Variants in MIA2 observed in about 807,000 individuals in gnomAD.
MIA2 encodes the protein melanoma inhibitory activity protein 2.
Under a neutral mutation model 167.8 loss-of-function variants are expected in MIA2, and 127 were observed. That is an observed-to-expected ratio of 0.76 (90% CI 0.66 to 0.88). The LOEUF (loss-of-function observed/expected upper bound fraction) is 0.88. Among genes scored for constraint, MIA2 ranks in the 40% least tolerant of loss-of-function variants. The pLI is 0.00. For missense variants in MIA2, 1,690 were observed against 1,624.7 expected (o/e 1.04, Z -0.69); for synonymous variants, 552 against 541.9 (o/e 1.02, Z -0.26).
At chr14:39,338,245 G>A (rs1046105181) in intron 25 of MIA2, among the ~76,000 whole-genome samples, 1 of 152,178 alleles carries the variant, frequency 6.6e-6, no homozygotes, top group Admixed American at 6.5e-5. Context: ...TTGTACCAAT[G>A]TCAGTTTTCT....
In MIA2 at chr14:39,320,926, A is replaced by G. The variant is rs1176434683; in HGVS notation, c.3368-2A>G. 2 of 1,611,968 alleles carry G rather than the reference A, an allele frequency of 1.2e-6. No individual in the cohort carries two copies. The highest frequency in any genetic ancestry group is 1.7e-6 in the Non-Finnish European group (2 of 1,179,346). ...TTAAATATGCTGTTTTAATTATTCC[A>G]GAGCATTCCCCATATGGTCCCTCAC... is the stretch of plus-strand genomic sequence containing the variant. On this transcript the variant is annotated splice_acceptor_variant, in intron 23 of 28. Coordinates refer to ENST00000640607, the MANE Select transcript of MIA2 (RefSeq NM_001329214.4). LOFTEE classifies it high-confidence loss of function.
Position 39,294,006 on chromosome 14 carries a change from G to C in MIA2, c.2326G>C (p.Asp776His). The C allele has an allele frequency of 3.1e-6, 5 of 1,607,308 alleles. No individual in the cohort carries two copies. The highest frequency in any genetic ancestry group is 4.2e-6 in the Non-Finnish European group (5 of 1,177,330). Reference protein sequence around the residue: ...KHSEQDELMADISKRIQSLED... With the variant: ...KHSEQDELMAHISKRIQSLED... Reference sequence around the variant, plus strand: ...CCTGATACTGTGTTTCTAGATGGCGGATATTTCAAAAAGGATACAGTCTCT... The same window carrying C: ...CCTGATACTGTGTTTCTAGATGGCGCATATTTCAAAAAGGATACAGTCTCT... The change falls in exon 12 of 29, where the codon GAT (aspartate) becomes CAT (histidine). Residue 776 changes from aspartate to histidine, a missense_variant. Asp to His is a moderately conservative substitution (Grantham distance 81, BLOSUM62 -1). Transcript: ENST00000640607.
intron 13 of MIA2, among the ~76,000 whole-genome samples, chr14:39,296,095 T>C (rs997979207): frequency 1.3e-5 from 2 of 152,186 alleles, no homozygotes; most frequent in African/African-American, 4.8e-5. Context: ...GTGTGTGTTC[T>C]GTTCTGTGTC....
chr14:39,351,314 G>A (rs1407330547), downstream of MIA2: 2 of 150,992 alleles, frequency 1.3e-5, no homozygotes, highest in African/African-American at 4.9e-5. Flanking sequence ...CATTTCCCCA[G>A]GTGTTGTTTG....
intron 3 of MIA2, 129 bp downstream of exon 3, chr14:39,240,776 T>G: frequency 1.7e-6 from 1 of 577,610 alleles, no homozygotes; most frequent in East Asian, 3.1e-5. Context: ...GCCTGAGAAC[T>G]TACTCTAGGA....
intron 9 of MIA2, among the ~76,000 whole-genome samples, chr14:39,287,214 C>T (rs1157474450): frequency 1.3e-5 from 2 of 152,104 alleles, no homozygotes; most frequent in East Asian, 1.9e-4. Context: ...GCTGGGACTA[C>T]AGGCGTGCAC....
chr14:39,373,306 C>CA (rs34602556), intron 23 of MIA2, among the ~76,000 whole-genome samples: 19,591 of 110,744 alleles, frequency 0.18, 1,500 homozygotes, highest in African/African-American at 0.21. Context: ...AATTCTTGGC[C>CA]AAAAAAAAAA....
Position 39,320,935 on chromosome 14 carries a change from C to T in MIA2, c.3375C>T (p.Ser1125=), listed in dbSNP as rs772890477. 5 of 1,612,654 alleles carry T rather than the reference C, an allele frequency of 3.1e-6. No homozygotes were observed. Among genetic ancestry groups the T allele is most frequent in the Non-Finnish European group, 4.2e-6 (5 of 1,179,478 alleles). The change falls in exon 24 of 29, where the codon TCC becomes TCT. Residue 1125 remains serine, a synonymous_variant. Coordinates refer to ENST00000640607, the MANE Select transcript of MIA2 (RefSeq NM_001329214.4). The stretch of plus-strand genomic sequence containing the variant: ...CTGTTTTAATTATTCCAGAGCATTC[C>T]CCATATGGTCCCTCACCATTGGGTT... ...VPNTAFGREH[S]PYGPSPLGWP...
intron 2 of MIA2, among the ~76,000 whole-genome samples, chr14:39,240,318 G>A (rs2053983287): frequency 6.6e-6 from 1 of 152,156 alleles, no homozygotes; most frequent in East Asian, 1.9e-4. Context: ...AGTGGAACAG[G>A]TTTCCTTCTG....
intron 25 of MIA2, among the ~76,000 whole-genome samples, chr14:39,336,374 A>G (rs1045825190): frequency 6.6e-6 from 1 of 152,212 alleles, no homozygotes; most frequent in Non-Finnish European, 1.5e-5. Context: ...GCAAGTATAC[A>G]CCTAGTTTCT....
chr14:39,321,427 C>T (rs1056585019), intron 24 of MIA2, among the ~76,000 whole-genome samples: 2 of 152,076 alleles, frequency 1.3e-5, no homozygotes, highest in Non-Finnish European at 2.9e-5. Context: ...CATTCTCCTG[C>T]CTCAGCCTCC....
At chr14:39,386,580 G>A (rs2075275831) in intron 23 of MIA2, 1 of 1,091,182 alleles carries the variant, frequency 9.2e-7, no homozygotes, top group African/African-American at 1.6e-5. Context: ...ATCATCACCT[G>A]CTGTGCCACA....
chr14:39,265,921 G>T, intron 6 of MIA2: 7 of 958,030 alleles, frequency 7.3e-6, no homozygotes, highest in Non-Finnish European at 8.7e-6. Context: ...AGCAATTTTG[G>T]CTACTCTGAT....
chr14:39,386,243 G>A (rs749947225), intron 23 of MIA2: 5 of 1,428,798 alleles, frequency 3.5e-6, no homozygotes, highest in African/African-American at 1.4e-5. Flanking sequence ...ATTTTTGGTA[G>A]AGGGTCCTTC....
chr14:39,347,659 C>G (rs1267873554), intron 26 of MIA2, 54 bp from the exon 27 acceptor site: 1 of 1,576,602 alleles, frequency 6.3e-7, no homozygotes. Context: ...TGGAGATACT[C>G]TAGGAATAAA....
chr14:39,260,281 C>G (rs61998536), intron 6 of MIA2, among the ~76,000 whole-genome samples: 17,138 of 152,278 alleles, frequency 0.11, 1,092 homozygotes, highest in South Asian at 0.18. Context: ...GGAATCGCCA[C>G]ACTGTCTTCC....
chr14:39,281,436 G>C (rs2058923142), intron 9 of MIA2, among the ~76,000 whole-genome samples: 1 of 151,920 alleles, frequency 6.6e-6, no homozygotes, highest in African/African-American at 2.4e-5. Flanking sequence ...GTTGCCAATA[G>C]TTTTCACTTA....
chr14:39,241,569 C>A (rs2054040358), intron 3 of MIA2, among the ~76,000 whole-genome samples: 1 of 152,222 alleles, frequency 6.6e-6, no homozygotes, highest in South Asian at 2.1e-4. Flanking sequence ...ATCCTCCCGC[C>A]TCTGCCTCAC....
intron 19 of MIA2, 124 bp from the exon 20 acceptor site, chr14:39,314,615 T>G: frequency 2.3e-6 from 1 of 429,766 alleles, no homozygotes; most frequent in Non-Finnish European, 3.8e-6. Context: ...CTGGAGTTTT[T>G]TTTTTTTTTT....
Sources: gnomAD v4.1 joint callset for allele counts (sites outside exome capture counted in the v4.1 genomes callset) on GRCh38, gnomAD v4.1.1 for gene constraint, MANE v1.5 for transcripts, NCBI Gene and HGNC (gene_info 2026-07-23, HGNC 2026-07-21) for gene names.